Variants in IL1RAPL2 observed in about 807,000 individuals in gnomAD.
The protein encoded by IL1RAPL2 is interleukin 1 receptor accessory protein like 2.
Under a neutral mutation model 44.1 loss-of-function variants are expected in IL1RAPL2, and 3 were observed. The observed-to-expected ratio is 0.07, with a 90% CI of 0.03 to 0.18. The LOEUF is 0.18. Among genes scored for constraint, IL1RAPL2 ranks in the 10% least tolerant of loss-of-function variants. The probability of loss-of-function intolerance (pLI) is 1.00; values close to 1 mark genes in which losing one functional copy is unlikely to be tolerated. For synonymous variants in IL1RAPL2, 181 were observed against 178.8 expected (o/e 1.01, Z -0.10); for missense variants, 391 against 496.4 (o/e 0.79, Z 2.02).
intron 5 of IL1RAPL2, among the ~76,000 whole-genome samples, chrX:105,448,798 C>A (rs1285328333): frequency 2.7e-5 from 3 of 110,870 alleles, no homozygotes; most frequent in Non-Finnish European, 5.7e-5. Context: ...CTCACCAGTT[C>A]TTTCTTCTGC....
intron 1 of IL1RAPL2, among the ~76,000 whole-genome samples, chrX:104,636,091 A>C (rs1929798071): frequency 8.9e-6 from 1 of 111,931 alleles, no homozygotes; most frequent in Non-Finnish European, 1.9e-5. Flanking sequence ...AGTCTGTTGG[A>C]ATTTTCTGGA....
At chrX:105,066,691 C>T (rs190584947) in intron 2 of IL1RAPL2, among the ~76,000 whole-genome samples, 36 of 111,405 alleles carry the variant, frequency 3.2e-4, no homozygotes, top group African/African-American at 9.1e-4. Context: ...CTTTCTCCGT[C>T]GACACATATT....
At chrX:104,893,920 G>C (rs1252854673) in intron 2 of IL1RAPL2, among the ~76,000 whole-genome samples, 1 of 111,838 alleles carries the variant, frequency 8.9e-6, no homozygotes, top group African/African-American at 3.3e-5. Context: ...TGCAGTGGCT[G>C]GTACCGGTTG....
At chrX:105,308,359 G>T (rs2034768183) in intron 5 of IL1RAPL2, among the ~76,000 whole-genome samples, 1 of 111,962 alleles carries the variant, frequency 8.9e-6, no homozygotes, top group African/African-American at 3.2e-5. Flanking sequence ...TTTTTATTGA[G>T]GTAAAATGTA....
chrX:105,482,201 T>A (rs1436391421), intron 5 of IL1RAPL2, among the ~76,000 whole-genome samples: 1 of 112,016 alleles, frequency 8.9e-6, no homozygotes, highest in Non-Finnish European at 1.9e-5. Context: ...TATTAGAAAT[T>A]GAGGTTGTTT....
chrX:105,405,672 A>G, intron 5 of IL1RAPL2: 1 of 1,084,910 alleles, frequency 9.2e-7, no homozygotes, highest in Non-Finnish European at 1.3e-6. Flanking sequence ...CTGTTCCTGA[A>G]AGGCAGCCCT....
chrX:105,220,843 G>A (rs41300161), intron 3 of IL1RAPL2, among the ~76,000 whole-genome samples: 8 of 111,908 alleles, frequency 7.1e-5, no homozygotes, highest in Non-Finnish European at 1.1e-4. Flanking sequence ...CTTAAAGGTC[G>A]GAAGAAACAG....
chrX:104,722,668 A>G (rs1486280566), intron 2 of IL1RAPL2, among the ~76,000 whole-genome samples: 1 of 111,716 alleles, frequency 9.0e-6, no homozygotes, highest in African/African-American at 3.2e-5. Flanking sequence ...TTGCTTTTCC[A>G]TAGTATATGT....
intron 5 of IL1RAPL2, among the ~76,000 whole-genome samples, chrX:105,294,192 T>G (rs1448565985): frequency 8.9e-6 from 1 of 112,038 alleles, no homozygotes; most frequent in Admixed American, 9.5e-5. Context: ...CTTATACTTT[T>G]ATCAAAAACC....
intron 2 of IL1RAPL2, among the ~76,000 whole-genome samples, chrX:104,763,824 G>A (rs921099905): frequency 6.3e-5 from 7 of 111,208 alleles, no homozygotes; most frequent in Non-Finnish European, 9.4e-5. Context: ...CCCATGACAC[G>A]TGGGGATTAT....
chrX:105,109,290 A>G (rs2032778055), intron 2 of IL1RAPL2, among the ~76,000 whole-genome samples: 1 of 112,485 alleles, frequency 8.9e-6, no homozygotes, highest in Non-Finnish European at 1.9e-5. Context: ...GATATCTTTA[A>G]AAAATGATTC....
chrX:104,673,731 C>T (rs1475552482), intron 2 of IL1RAPL2, among the ~76,000 whole-genome samples: 1 of 109,137 alleles, frequency 9.2e-6, no homozygotes, highest in Non-Finnish European at 1.9e-5. Flanking sequence ...TACCCATGAG[C>T]ATGGAATGTT....
intron 6 of IL1RAPL2, among the ~76,000 whole-genome samples, chrX:105,547,679 C>G (rs1234784680): frequency 8.9e-6 from 1 of 112,066 alleles, no homozygotes; most frequent in African/African-American, 3.2e-5. Context: ...CATCCCTTCC[C>G]AAGTGGTTCT....
chrX:104,673,746 C>T (rs1199060502), intron 2 of IL1RAPL2, among the ~76,000 whole-genome samples: 1 of 108,380 alleles, frequency 9.2e-6, no homozygotes, highest in African/African-American at 3.4e-5. Context: ...AATGTTCTTC[C>T]ATTTGTTTGT....
intron 6 of IL1RAPL2, among the ~76,000 whole-genome samples, chrX:105,527,854 C>T (rs1351609757): frequency 9.0e-6 from 1 of 111,230 alleles, no homozygotes; most frequent in Non-Finnish European, 1.9e-5. Flanking sequence ...ACAAGCCTCC[C>T]TTTGCCCACC....
chrX:105,048,128 G>C (rs926381532), intron 2 of IL1RAPL2, among the ~76,000 whole-genome samples: 1 of 111,463 alleles, frequency 9.0e-6, no homozygotes, highest in Non-Finnish European at 1.9e-5. Flanking sequence ...CATTGTGACA[G>C]TCTAGGTAAA....
At chrX:105,098,958 T>C (rs2147558973) in intron 2 of IL1RAPL2, among the ~76,000 whole-genome samples, 1 of 112,443 alleles carries the variant, frequency 8.9e-6, no homozygotes, top group East Asian at 2.8e-4. Context: ...CATACCTACA[T>C]GTATAGGTAA....
At chrX:104,679,512 A>G (rs981215307) in intron 2 of IL1RAPL2, among the ~76,000 whole-genome samples, 2 of 112,097 alleles carry the variant, frequency 1.8e-5, no homozygotes, top group African/African-American at 6.5e-5. Context: ...TTTCCTGGGT[A>G]ATCTTACCTT....
chrX:105,410,653 T>C (rs953109346), intron 5 of IL1RAPL2, among the ~76,000 whole-genome samples: 1 of 111,662 alleles, frequency 9.0e-6, no homozygotes, highest in Non-Finnish European at 1.9e-5. Context: ...CAGCCAAGAA[T>C]ACTATATCCA....
Sources: gnomAD v4.1 joint callset for allele counts (sites outside exome capture counted in the v4.1 genomes callset) on GRCh38, gnomAD v4.1.1 for gene constraint, MANE v1.5 for transcripts, NCBI Gene and HGNC (gene_info 2026-07-23, HGNC 2026-07-21) for gene names.